The following PCOLCE variants were observed in gnomAD, a reference collection of about 807,000 sequenced individuals.
The protein encoded by PCOLCE is procollagen C-endopeptidase enhancer 1.
PCOLCE carries 33 observed loss-of-function variants against 47.2 expected under a neutral mutation model. That is an observed-to-expected ratio of 0.70 (90% CI 0.53 to 0.93). The LOEUF (loss-of-function observed/expected upper bound fraction) is 0.93. Ranked by LOEUF, PCOLCE falls within the 40% of genes least tolerant of loss-of-function variation. PCOLCE has a pLI of 0.00. For missense variants in PCOLCE, 584 were observed against 585.3 expected (o/e 1.00, Z 0.02); for synonymous variants, 254 against 252.5 (o/e 1.01, Z -0.06).
rs1450309924 is a variant in PCOLCE, at chr7:100,602,411, G to C, written c.-46G>C. The C allele has an allele frequency of 1.6e-6, 2 of 1,277,884 alleles. No homozygotes were observed. The highest frequency in any genetic ancestry group is 1.1e-6 in the Non-Finnish European group (1 of 878,142). The allele number at this position is 1,277,884 out of a possible 1,614,324, so 79.2% of individuals were successfully genotyped here. On this transcript the variant is annotated 5_prime_UTR_variant, in exon 1 of 9. Transcript: ENST00000223061. ...CGCTGCTGCTGCTCTGCAAAATTCA[G>C]CTGCTGCCTCTGTCTTGAGGACCCC...
intron 5 of PCOLCE, chr7:100,606,043 A>C (rs1249105830): frequency 8.6e-6 from 5 of 581,832 alleles, no homozygotes; most frequent in African/African-American, 3.8e-5. Context: ...TTAAAAGGCC[A>C]CCTGGCCAGG....
chr7:100,603,237 T>C, intron 1 of PCOLCE, 193 bp from the exon 2 acceptor site: 1 of 457,422 alleles, frequency 2.2e-6, no homozygotes, highest in Non-Finnish European at 3.8e-6. Flanking sequence ...TTTTCCCTTA[T>C]CTTTGTGGGA....
chr7:100,603,756 C>T (rs1802656525), intron 2 of PCOLCE: 2 of 628,512 alleles, frequency 3.2e-6, no homozygotes, highest in African/African-American at 1.8e-5. Context: ...GGCCCTCCCT[C>T]CTCTTCCAAA....
At position 100,606,629 on chromosome 7, in the gene PCOLCE, T is replaced by C. The variant is rs780491204; in HGVS notation, c.939T>C (p.Pro313=). 6.2e-7 allele frequency: 1 copy of C among 1,602,054 alleles called. No homozygotes were observed. Among genetic ancestry groups the C allele is most frequent in the East Asian group, 2.2e-5 (1 of 44,646 alleles). ...AAACAGAGGAATCTCCTTCAGCCCC[T>C]GGTGAGTCTGGGATAGGGGAGGAAG... ...PEKTEESPSA[P]DAPTCPKQCR... The change falls in exon 6 of 9, where the codon CCT becomes CCC. Residue 313 remains proline, a splice_region_variant and synonymous_variant. Transcript: ENST00000223061.
At chr7:100,603,897 C>T (rs1802658387) in intron 2 of PCOLCE, 62 bp from the exon 3 acceptor site, 2 of 1,567,604 alleles carry the variant, frequency 1.3e-6, no homozygotes, top group African/African-American at 2.7e-5. Flanking sequence ...AGGGGAGCTG[C>T]CCTCTGGCTG....
At position 100,607,964 on chromosome 7, in the gene PCOLCE, T is replaced by G; in HGVS notation, c.1211T>G (p.Val404Gly). 2 of 1,614,074 alleles carry G rather than the reference T, an allele frequency of 1.2e-6. No homozygotes were observed. ...KGVSYLLMGQVEENRGPVLPP... is the reference protein window; with the variant it reads ...KGVSYLLMGQGEENRGPVLPP... ...GTCAGTTATCTGCTGATGGGCCAGG[T>G]AGAAGAGAACAGAGGCCCCGTCCTT... The change falls in exon 9 of 9, where the codon GTA becomes GGA. Residue 404 changes from valine to glycine, a missense_variant. Transcript: ENST00000223061.
At position 100,605,961 on chromosome 7, in the gene PCOLCE, G is replaced by A. The variant is rs1802709170; in HGVS notation, c.725+149G>A. The A allele has an allele frequency of 1.1e-6, 1 of 912,590 alleles. No individual in the cohort carries two copies. Among genetic ancestry groups the A allele is most frequent in the African/African-American group, 1.7e-5 (1 of 59,818 alleles). 56.5% of individuals were successfully genotyped at this position (912,590 alleles called of 1,614,324 possible). Reference sequence around the variant, plus strand: ...GGGAGCAGGTTGGAGGCCAGGCAAAGAGGAGATTTGGCCCCGGGTCTGGGG... The same window carrying A: ...GGGAGCAGGTTGGAGGCCAGGCAAAAAGGAGATTTGGCCCCGGGTCTGGGG... On this transcript the variant is annotated intron_variant, in intron 5 of 8. Transcript: ENST00000223061. The surrounding 1 kb of genome is among the most constrained non-coding windows in gnomAD (Gnocchi z 6.1).
chr7:100,603,977 G>C lies in PCOLCE; in HGVS notation c.223G>C (p.Val75Leu), dbSNP rs766303687. 3 of 1,602,130 alleles carry C rather than the reference G, an allele frequency of 1.9e-6. No homozygotes were observed. In the African/African-American group the frequency reaches 4.0e-5, roughly 21 times the overall value. ...WTITVPEGQT[V>L]SLSFRVFDLE... is the part of the protein sequence containing the mutation. ...CTATCAGGTCCCCGAGGGCCAGACTGTGTCCCTCTCATTCCGAGTCTTCGA... is the reference window on the plus strand; with the variant it reads ...CTATCAGGTCCCCGAGGGCCAGACTCTGTCCCTCTCATTCCGAGTCTTCGA... The change falls in exon 3 of 9, where the codon GTG becomes CTG. Residue 75 changes from valine (V) to leucine (L), a missense_variant. Physicochemically the swap from Val to Leu is conservative, Grantham distance 32. Coordinates refer to ENST00000223061, the MANE Select transcript of PCOLCE (RefSeq NM_002593.4).
chr7:100,606,420 A>G lies in PCOLCE; in HGVS notation c.730A>G (p.Ile244Val). Reference protein sequence around the residue: ...KFCGDAVPGSISSEGNELLVQ... With the variant: ...KFCGDAVPGSVSSEGNELLVQ... ...ATGCTCGGTGGCCACCTGCAGCTCC[A>G]TCTCCTCCGAAGGGAATGAACTCCT... The change falls in exon 6 of 9, where the codon ATC becomes GTC. Residue 244 changes from isoleucine (I) to valine (V), a missense_variant. Coordinates refer to ENST00000223061, the MANE Select transcript of PCOLCE (RefSeq NM_002593.4). The G allele has an allele frequency of 6.2e-7, 1 of 1,613,112 alleles. No homozygotes were observed. Among genetic ancestry groups the G allele is most frequent in the Non-Finnish European group, 8.5e-7 (1 of 1,179,186 alleles).
intron 7 of PCOLCE, 48 bp from the exon 8 acceptor site, chr7:100,607,589 C>A: frequency 6.2e-7 from 1 of 1,604,468 alleles, no homozygotes; most frequent in Non-Finnish European, 8.5e-7. Flanking sequence ...CCAGTCCTGC[C>A]ATCTGGAACC....
intron 7 of PCOLCE, 33 bp downstream of exon 7, chr7:100,607,556 C>G: frequency 1.2e-6 from 2 of 1,611,062 alleles, no homozygotes; most frequent in East Asian, 2.2e-5. Context: ...TCCAGCTCCT[C>G]GAACCACCTC....
chr7:100,606,538 G>A lies in PCOLCE; in HGVS notation c.848G>A (p.Gly283Glu), dbSNP rs1418391365. 1 of 1,614,188 alleles carries A rather than the reference G, an allele frequency of 6.2e-7. No homozygotes were observed. The highest frequency in any genetic ancestry group is 1.1e-5 in the South Asian group (1 of 91,090). The stretch of plus-strand genomic sequence containing the variant: ...CGGGGCACTGCCAAAGAAGGGCAAG[G>A]GCCCGGCCCCAAACGGGGAACTGAG... ...LPRGTAKEGQ[G>E]PGPKRGTEPK... Residue 283 changes from glycine to glutamate, a missense_variant, in exon 6 of 9, where the codon GGG becomes GAG. By Grantham distance (98) the Gly-to-Glu change is moderately conservative. Transcript: ENST00000223061.
In PCOLCE at chr7:100,604,690, A is replaced by G. The variant is rs1802679897; in HGVS notation, c.464-401A>G. The stretch of plus-strand genomic sequence containing the variant: ...CTCCCTTGCAATGTTTCAGGCGGGG[A>G]CCTCCCTAAAGGGGTCCTCGGGGGC... On this transcript the variant is annotated intron_variant, in intron 3 of 8. Coordinates refer to ENST00000223061, the MANE Select transcript of PCOLCE (RefSeq NM_002593.4). This position sits in a 1 kb window ranked among gnomAD's most constrained non-coding sequence, Gnocchi z 6.4. 4 of 310,438 alleles carry G rather than the reference A, an allele frequency of 1.3e-5. No homozygotes were observed. The highest frequency in any genetic ancestry group is 2.5e-5 in the Non-Finnish European group (4 of 162,928). 19.2% of individuals were successfully genotyped at this position (310,438 alleles called of 1,614,324 possible). A position where few individuals can be genotyped will look rare whatever the true frequency, so the allele number is the denominator to read the frequency against.
Position 100,603,524 on chromosome 7 carries a change from A to T in PCOLCE, c.190A>T (p.Ile64Phe). ...PNLYPPNKECIWTITVPEGQT... is the reference protein window; with the variant it reads ...PNLYPPNKECFWTITVPEGQT... ...CCTCTACCCCCCTAATAAGGAGTGC[A>T]TCTGGACCATAACGGTGAGAAACCC... is the stretch of plus-strand genomic sequence containing the variant. Residue 64 changes from isoleucine (I) to phenylalanine (F), a missense_variant, in exon 2 of 9, where the codon ATC becomes TTC. By Grantham distance (21) the Ile-to-Phe change is conservative. Coordinates refer to ENST00000223061, the MANE Select transcript of PCOLCE (RefSeq NM_002593.4). 6.3e-7 allele frequency: 1 copy of T among 1,582,142 alleles called. No homozygotes were observed. Among genetic ancestry groups the T allele is most frequent in the Non-Finnish European group, 8.6e-7 (1 of 1,156,568 alleles).
Position 100,606,441 on chromosome 7 carries a change from C to T in PCOLCE, c.751C>T (p.Leu251Phe). Reference sequence around the variant, plus strand: ...CTCCATCTCCTCCGAAGGGAATGAACTCCTCGTCCAGTTCGTCTCAGATCT... The same window carrying T: ...CTCCATCTCCTCCGAAGGGAATGAATTCCTCGTCCAGTTCGTCTCAGATCT... Reference protein sequence around the residue: ...PGSISSEGNELLVQFVSDLSV... With the variant: ...PGSISSEGNEFLVQFVSDLSV... Residue 251 changes from leucine to phenylalanine, a missense_variant, in exon 6 of 9, where the codon CTC becomes TTC. Leu to Phe is a conservative substitution (Grantham distance 22). Transcript: ENST00000223061. 2 of 1,613,978 alleles carry T rather than the reference C, an allele frequency of 1.2e-6. No individual in the cohort carries two copies. Among genetic ancestry groups the T allele is most frequent in the South Asian group, 2.2e-5 (2 of 91,080 alleles).
In PCOLCE at chr7:100,605,866, G is replaced by C; in HGVS notation, c.725+54G>C. ...GAGAGAGTCGGCGGACCGCACGCACGCGGCTGTTTGGAGGGGCGGGGTTCA... is the reference window on the plus strand; with the variant it reads ...GAGAGAGTCGGCGGACCGCACGCACCCGGCTGTTTGGAGGGGCGGGGTTCA... On this transcript the variant is annotated intron_variant, in intron 5 of 8. Coordinates refer to ENST00000223061, the MANE Select transcript of PCOLCE (RefSeq NM_002593.4). The surrounding 1 kb of genome is among the most constrained non-coding windows in gnomAD (Gnocchi z 6.1). 6.5e-7 allele frequency: 1 copy of C among 1,530,202 alleles called. No individual in the cohort carries two copies. Among genetic ancestry groups the C allele is most frequent in the Non-Finnish European group, 8.8e-7 (1 of 1,132,248 alleles). 94.8% of individuals were successfully genotyped at this position (1,530,202 alleles called of 1,614,324 possible).
In PCOLCE at chr7:100,605,295, G is replaced by T; in HGVS notation, c.588+80G>T. 2.8e-6 allele frequency: 4 copies of T among 1,421,570 alleles called. No individual in the cohort carries two copies. Among genetic ancestry groups the T allele is most frequent in the East Asian group, 2.4e-5 (1 of 41,016 alleles). The allele number at this position is 1,421,570 out of a possible 1,614,324, so 88.1% of individuals were successfully genotyped here. ...TTGCAGCCAGCAGAGATTTATTGAAGATCTGCTGTGTCCCGAGCACTGCGC... is the reference window on the plus strand; with the variant it reads ...TTGCAGCCAGCAGAGATTTATTGAATATCTGCTGTGTCCCGAGCACTGCGC... On this transcript the variant is annotated intron_variant, in intron 4 of 8. Coordinates refer to ENST00000223061, the MANE Select transcript of PCOLCE (RefSeq NM_002593.4). This position sits in a 1 kb window ranked among gnomAD's most constrained non-coding sequence, Gnocchi z 6.1.
At chr7:100,602,701 T>TC in intron 1 of PCOLCE, 150 bp downstream of exon 1, 1 of 624,346 alleles carries the variant, frequency 1.6e-6, no homozygotes, top group Non-Finnish European at 2.9e-6. Context: ...CCCCAAATCC[T>TC]CCCCATCTGC....
rs1348909793 is a variant in PCOLCE at position 100,607,699 on chromosome 7, A to G, written c.1075A>G (p.Ser359Gly). The stretch of plus-strand genomic sequence containing the variant: ...AGGGGAGGGCCTTGCCGTGACTGTC[A>G]GTCTTATTGGTGCTTATAAAACTGG... The part of the protein sequence containing the change: ...EPGEGLAVTV[S>G]LIGAYKTGGL... The change falls in exon 8 of 9, where the codon AGT becomes GGT. Residue 359 changes from serine (S) to glycine (G), a missense_variant. Transcript: ENST00000223061. 1.2e-6 allele frequency: 2 copies of G among 1,614,098 alleles called. No homozygotes were observed. The highest frequency in any genetic ancestry group is 1.7e-6 in the Non-Finnish European group (2 of 1,179,996).
Sources: allele counts gnomAD v4.1 joint callset, GRCh38; gene constraint gnomAD v4.1.1; non-coding constraint Gnocchi (gnomAD v3.1); transcripts MANE v1.5; gene names NCBI Gene and HGNC (gene_info 2026-07-23, HGNC 2026-07-21).